Variants in DAPK1 observed in about 807,000 individuals in gnomAD.
The protein encoded by DAPK1 is death-associated protein kinase 1.
Under a neutral mutation model 144.9 loss-of-function variants are expected in DAPK1, and 56 were observed. That is an observed-to-expected ratio of 0.39 (90% confidence interval 0.31 to 0.48). The LOEUF is 0.48. Among genes scored for constraint, DAPK1 ranks in the 20% least tolerant of loss-of-function variants. The pLI is 0.95. For missense variants in DAPK1, 1,454 were observed against 1,875.4 expected (o/e 0.78, Z 4.15); for synonymous variants, 690 against 749.0 (o/e 0.92, Z 1.29).
intron 10 of DAPK1, 146 bp from the exon 11 acceptor site, chr9:87,643,230 G>GTA (rs1454925024): frequency 1.7e-6 from 1 of 575,028 alleles, no homozygotes; most frequent in Non-Finnish European, 3.1e-6. Flanking sequence ...CCCTGGGAGA[G>GTA]TGTGTGCTGA....
intron 2 of DAPK1, among the ~76,000 whole-genome samples, chr9:87,564,955 T>C (rs1049444593): frequency 6.6e-6 from 1 of 152,184 alleles, no homozygotes; most frequent in Admixed American, 6.5e-5. Flanking sequence ...CTGATAGCCC[T>C]GTGGTTTCAT....
In DAPK1 at chr9:87,701,901, G is replaced by C. The variant is rs1241458859; in HGVS notation, c.2872-1128G>C. The C allele has an allele frequency of 1.5e-5, 7 of 469,840 alleles. No individual in the cohort carries two copies. In the East Asian group the frequency reaches 4.9e-4, roughly 33 times the overall value. The allele number at this position is 469,840 out of a possible 1,614,324, so 29.1% of individuals were successfully genotyped here. On this transcript the variant is annotated intron_variant, in intron 24 of 25. Coordinates refer to ENST00000408954, the MANE Select transcript of DAPK1 (RefSeq NM_004938.4). ...CACTGTGGCATCATCAGAAGATAGG[G>C]GGTAGTCCGGTGAGGCCTGGGAGGA...
In DAPK1 at chr9:87,589,049, C is replaced by T. The variant is rs561661692; in HGVS notation, c.63-15905C>T. Among the ~76,000 whole-genome samples, 681 of 141,416 alleles carry T rather than the reference C, an allele frequency of 4.8e-3. 8 individuals carry two copies. Among genetic ancestry groups the T allele is most frequent in the African/African-American group, 0.017 (617 of 36,466 alleles). 92.8% of individuals were successfully genotyped at this position (141,416 alleles called of 152,430 possible). A position where few individuals can be genotyped will look rare whatever the true frequency, so the allele number is the denominator to read the frequency against. On this transcript the variant is annotated intron_variant, in intron 2 of 25. Coordinates refer to ENST00000408954, the MANE Select transcript of DAPK1 (RefSeq NM_004938.4). ...GATTACAGGCATGTACCACCACGCC[C>T]GGCTAATTTTTTTTTTTTTTTTTTT...
Position 87,640,338 on chromosome 9 carries a change from GA to G in DAPK1, c.673del (p.Thr225ArgfsTer2). 6.2e-7 allele frequency: 1 copy of G among 1,614,208 alleles called. No homozygotes were observed. Among genetic ancestry groups the G allele is most frequent in the Non-Finnish European group, 8.5e-7 (1 of 1,180,030 alleles). ...CCCATTTCTTGGAGACACTAAGCAA[GA>G]AACGTTAGCAAATGTATCCGCTGTC... Reference protein sequence around the residue: ...ASPFLGDTKQETLANVSAVNY... With the variant: ...ASPFLGDTKQXTLANVSAVNY... On this transcript the variant is annotated frameshift_variant, in exon 8 of 26. Transcript: ENST00000408954.
At chr9:87,653,880 G>A (rs1343935945) in intron 17 of DAPK1, among the ~76,000 whole-genome samples, 2 of 152,006 alleles carry the variant, frequency 1.3e-5, no homozygotes, top group African/African-American at 2.4e-5. Context: ...TTTTAGTAGA[G>A]ACAGGGTTTC....
chr9:87,608,695 G>C (rs1353169042), intron 3 of DAPK1, among the ~76,000 whole-genome samples: 2 of 152,184 alleles, frequency 1.3e-5, no homozygotes, highest in Admixed American at 6.5e-5. Context: ...GCTTTACATT[G>C]TTAACTGCAT....
chr9:87,556,362 G>A (rs2118610754), intron 2 of DAPK1, among the ~76,000 whole-genome samples: 1 of 152,388 alleles, frequency 6.6e-6, no homozygotes, highest in Middle Eastern at 3.4e-3. Context: ...AAAGCTCACA[G>A]AGCTGGGGAG....
At chr9:87,697,742 CAG>C (rs1825310724) in intron 22 of DAPK1, among the ~76,000 whole-genome samples, 1 of 152,206 alleles carries the variant, frequency 6.6e-6, no homozygotes, top group South Asian at 2.1e-4. Context: ...GCCTTGAGCT[CAG>C]GAGTTCAAGA....
At chr9:87,580,449 A>C (rs1827712983) in intron 2 of DAPK1, among the ~76,000 whole-genome samples, 1 of 152,184 alleles carries the variant, frequency 6.6e-6, no homozygotes, top group Non-Finnish European at 1.5e-5. Context: ...AAGCAATCTC[A>C]AATATTTTGT....
chr9:87,677,275 G>A (rs1824425531), intron 19 of DAPK1, among the ~76,000 whole-genome samples: 1 of 152,248 alleles, frequency 6.6e-6, no homozygotes, highest in Admixed American at 6.5e-5. Flanking sequence ...TCAGTACAGG[G>A]AAGTCACAGG....
intron 2 of DAPK1, among the ~76,000 whole-genome samples, chr9:87,590,251 G>A (rs762476265): frequency 2.7e-5 from 4 of 150,876 alleles, no homozygotes; most frequent in Non-Finnish European, 2.9e-5. Context: ...GTGGAGACTC[G>A]AATTTTTAAA....
At chr9:87,666,482 T>TG (rs112074501) in intron 18 of DAPK1, among the ~76,000 whole-genome samples, 1,505 of 149,606 alleles carry the variant, frequency 0.01, 24 homozygotes, top group African/African-American at 0.034. Context: ...TTTTTGTTTT[T>TG]TTTTTTTTTG....
chr9:87,603,824 G>A (rs1331367190), intron 2 of DAPK1, among the ~76,000 whole-genome samples: 6 of 152,108 alleles, frequency 3.9e-5, no homozygotes, highest in Non-Finnish European at 5.9e-5. Context: ...ACCTCTCACC[G>A]TCTCACGCAC....
In DAPK1 at chr9:87,620,326, G is replaced by A. The variant is rs568169160; in HGVS notation, c.284+15151G>A. On this transcript the variant is annotated intron_variant, in intron 3 of 25. Coordinates refer to ENST00000408954, the MANE Select transcript of DAPK1 (RefSeq NM_004938.4). ...TTCCAGCTCTTTCCCCTTTTCCATC[G>A]CTTCCTCCTCCTCAAACCCTTCTTC... Among the ~76,000 whole-genome samples the A allele has an allele frequency of 1.2e-4, 18 of 152,280 alleles. No homozygotes were observed. In the East Asian group the frequency reaches 2.1e-3, roughly 18 times the overall value.
intron 13 of DAPK1, 141 bp from the exon 14 acceptor site, chr9:87,647,164 T>C: frequency 1.4e-6 from 1 of 705,770 alleles, no homozygotes; most frequent in East Asian, 2.5e-5. Context: ...TAAAATAGAA[T>C]GAGGGTTTTA....
chr9:87,619,939 A>G (rs1829229304), intron 3 of DAPK1, among the ~76,000 whole-genome samples: 1 of 152,160 alleles, frequency 6.6e-6, no homozygotes, highest in Non-Finnish European at 1.5e-5. Context: ...AGACAATCCT[A>G]AGTCTCCTTT....
intron 2 of DAPK1, among the ~76,000 whole-genome samples, chr9:87,529,241 TC>T (rs1172300569): frequency 6.6e-6 from 1 of 152,212 alleles, no homozygotes; most frequent in African/African-American, 2.4e-5. Context: ...CTAGCGCTTT[TC>T]AATAAGCTTT....
At chr9:87,661,752 C>A (rs765976545) in intron 18 of DAPK1, among the ~76,000 whole-genome samples, 1 of 152,072 alleles carries the variant, frequency 6.6e-6, no homozygotes, top group Admixed American at 6.6e-5. Flanking sequence ...GTAGAGTTTG[C>A]GAATATTTTC....
In DAPK1 at chr9:87,525,389, G is replaced by T. The variant is rs17053048; in HGVS notation, c.62+26250G>T. ...TTGCGTGTGTTCAAACAACCGGCAC[G>T]GTCTGATCCGGAAATATGGCCTCAA... On this transcript the variant is annotated intron_variant, in intron 2 of 25. Transcript: ENST00000408954. 1.7e-3 allele frequency: 2,804 copies of T among 1,611,406 alleles called. 52 individuals are homozygous for T. In the African/African-American group the frequency reaches 0.033, roughly 19 times the overall value.
Sources: allele counts gnomAD v4.1 joint callset (sites outside exome capture counted in the v4.1 genomes callset), GRCh38; gene constraint gnomAD v4.1.1; transcripts MANE v1.5; gene names NCBI Gene and HGNC (gene_info 2026-07-23, HGNC 2026-07-21).